ADAMTSL4: variants seen among roughly 807,000 people sequenced by gnomAD.
ADAMTSL4 encodes the protein ADAMTS like 4, also known as ADAMTS-like protein 4.
Under a neutral mutation model 122.8 loss-of-function variants are expected in ADAMTSL4, and 97 were observed. That is an observed-to-expected ratio of 0.79 (90% CI 0.67 to 0.93). The LOEUF (loss-of-function observed/expected upper bound fraction) is 0.93, where lower values mean the gene tolerates loss of function less well. Among genes scored for constraint, ADAMTSL4 ranks in the 40% least tolerant of loss-of-function variants. The pLI, the probability that ADAMTSL4 is intolerant of heterozygous loss-of-function variation, is 0.00. For synonymous variants in ADAMTSL4, 592 were observed against 568.0 expected, an observed-to-expected ratio of 1.04 and a Z score of -0.60; for missense variants, 1,408 against 1,453.5, an observed-to-expected ratio of 0.97 and a Z score of 0.51.
rs1414893271 is a variant in ADAMTSL4, at chr1:150,556,333, A to C, written c.1543A>C (p.Ile515Leu). The change falls in exon 9 of 19, where the codon ATT becomes CTT. Residue 515 changes from isoleucine (I) to leucine (L), a missense_variant. By Grantham distance (5) the Ile-to-Leu change is conservative (BLOSUM62 2). Coordinates refer to ENST00000271643, the MANE Select transcript of ADAMTSL4 (RefSeq NM_019032.6). The surrounding 1 kb of genome is among the most constrained non-coding windows in gnomAD (Gnocchi z 4.1). Reference protein sequence around the residue: ...WIPAGALRLQIAQLRPSSNYL... With the variant: ...WIPAGALRLQLAQLRPSSNYL... ...TCCAGCGGGAGCCTTGCGGCTCCAG[A>C]TTGCCCAGCTCCGGCCTAGCTCCAA... 6.2e-7 allele frequency: 1 copy of C among 1,613,944 alleles called. No individual in the cohort carries two copies. The highest frequency in any genetic ancestry group is 8.5e-7 in the Non-Finnish European group (1 of 1,179,990).
Position 150,553,745 on chromosome 1 carries a change from C to A in ADAMTSL4, c.754C>A (p.His252Asn), listed in dbSNP as rs142905991. ...PRTRPAPLRH[H>N]PRAQASGTEP... ...AACCAGGCCTGCCCCCCTACGGCAT[C>A]ACCCCAGAGCCCAGGCCTCTGGCAC... The change falls in exon 6 of 19, where the codon CAC becomes AAC. Residue 252 changes from histidine (H) to asparagine (N), a missense_variant. Transcript: ENST00000271643. The A allele has an allele frequency of 1.3e-4, 214 of 1,613,444 alleles. No individual in the cohort carries two copies. In the East Asian group the frequency reaches 1.3e-3, roughly 10 times the overall value.
chr1:150,554,448 G>C lies in ADAMTSL4; in HGVS notation c.1215G>C (p.Gln405His). ...AGGAATTCATGGGCCAGCTGTATCA[G>C]TGGGAGCCCTTCACTGAAGGTGAGG... The part of the protein sequence containing the change: ...NSQEFMGQLY[Q>H]WEPFTEVQGS... The change falls in exon 7 of 19, where the codon CAG (glutamine) becomes CAC (histidine). Residue 405 changes from glutamine (Q) to histidine (H), a missense_variant. Transcript: ENST00000271643. This position sits in a 1 kb window ranked among gnomAD's most constrained non-coding sequence, Gnocchi z 4.0. The C allele has an allele frequency of 6.2e-7, 1 of 1,614,208 alleles. No homozygotes were observed.
Position 150,560,108 on chromosome 1 carries a change from C to G in ADAMTSL4, c.3137C>G (p.Ala1046Gly). ...CCACATTGCCCCCTGGTGGTACAGG[C>G]CCGGCTCTGCGTCTACCCCTACTAC... Reference protein sequence around the residue: ...SSPHCPLVVQARLCVYPYYTA... With the variant: ...SSPHCPLVVQGRLCVYPYYTA... Residue 1046 changes from alanine (A) to glycine (G), a missense_variant, in exon 19 of 19, where the codon GCC (alanine) becomes GGC (glycine). Ala to Gly is a moderately conservative substitution (Grantham distance 60). Transcript: ENST00000271643. 1 of 1,614,122 alleles carries G rather than the reference C, an allele frequency of 6.2e-7. No individual in the cohort carries two copies. Among genetic ancestry groups the G allele is most frequent in the South Asian group, 1.1e-5 (1 of 91,090 alleles).
chr1:150,555,721 A>G lies in ADAMTSL4; in HGVS notation c.1371+156A>G, dbSNP rs9730075. 0.055 allele frequency among the ~76,000 whole-genome samples: 8,038 copies of G among 145,818 alleles called. 714 individuals carry two copies. Among genetic ancestry groups the G allele is most frequent in the African/African-American group, 0.21 (7,529 of 36,206 alleles). The stretch of plus-strand genomic sequence containing the variant: ...TGCGCACAGACACATGCACACACGC[A>G]CACACACACACGCACACACACGCAT... On this transcript the variant is annotated intron_variant, in intron 8 of 18. Coordinates refer to ENST00000271643, the MANE Select transcript of ADAMTSL4 (RefSeq NM_019032.6).
Position 150,556,350 on chromosome 1 carries a change from T to C in ADAMTSL4, c.1560T>C (p.Pro520=). The change falls in exon 9 of 19, where the codon CCT becomes CCC. Residue 520 remains proline (P), a synonymous_variant. Transcript: ENST00000271643. The surrounding 1 kb of genome is among the most constrained non-coding windows in gnomAD (Gnocchi z 4.1). ...ALRLQIAQLR[P]SSNYLALRGP... is the part of the protein sequence containing the mutation. ...GGCTCCAGATTGCCCAGCTCCGGCC[T>C]AGCTCCAACTACCTGGGTGAGCACC... 1 of 1,614,004 alleles carries C rather than the reference T, an allele frequency of 6.2e-7. No homozygotes were observed. The highest frequency in any genetic ancestry group is 8.5e-7 in the Non-Finnish European group (1 of 1,179,996).
At chr1:150,555,096 TCTC>T (rs1303522949) in intron 7 of ADAMTSL4, among the ~76,000 whole-genome samples, 2 of 151,396 alleles carry the variant, frequency 1.3e-5, no homozygotes, top group African/African-American at 2.4e-5. Context: ...TTCAAGCAAT[TCTC>T]CTGCCTCAGC....
In ADAMTSL4 at chr1:150,554,573, G is replaced by T. The variant is rs587640119; in HGVS notation, c.1234+106G>T. 1.3e-6 allele frequency: 2 copies of T among 1,558,280 alleles called. No homozygotes were observed. Among genetic ancestry groups the T allele is most frequent in the African/African-American group, 2.7e-5 (2 of 73,306 alleles). On this transcript the variant is annotated intron_variant, in intron 7 of 18. Coordinates refer to ENST00000271643, the MANE Select transcript of ADAMTSL4 (RefSeq NM_019032.6). This position sits in a 1 kb window ranked among gnomAD's most constrained non-coding sequence, Gnocchi z 4.0. ...GCCCTGAATGACTTCCAGCCCCTCT[G>T]CTTCCCCTGCGCCATGCCTTCTTTC...
At chr1:150,555,642 T>TACTC in intron 8 of ADAMTSL4, 77 bp downstream of exon 8, 1 of 1,574,840 alleles carries the variant, frequency 6.3e-7, no homozygotes, top group Non-Finnish European at 8.7e-7. Context: ...CATACACATG[T>TACTC]ACACACATAT....
chr1:150,557,857 C>T, intron 13 of ADAMTSL4, 88 bp from the exon 14 acceptor site: 3 of 1,502,674 alleles, frequency 2.0e-6, no homozygotes, highest in Non-Finnish European at 2.7e-6. Context: ...GCCCCCACGT[C>T]CAGTGTGTCT....
In ADAMTSL4 at chr1:150,557,167, C is replaced by T; in HGVS notation, c.1879C>T (p.Pro627Ser). 2 of 1,611,718 alleles carry T rather than the reference C, an allele frequency of 1.2e-6. No individual in the cohort carries two copies. The highest frequency in any genetic ancestry group is 1.7e-6 in the Non-Finnish European group (2 of 1,179,780). ...QLQPEILRVE[P>S]PLAPAPRPAR... ...CTGCACAGAGATTCTGAGGGTGGAG[C>T]CCCCACTTGCTCCGGCACCCCGCCC... Residue 627 changes from proline to serine, a missense_variant, in exon 12 of 19, where the codon CCC (proline) becomes TCC (serine). Physicochemically the swap from Pro to Ser is moderately conservative, Grantham distance 74 (BLOSUM62 -1). Coordinates refer to ENST00000271643, the MANE Select transcript of ADAMTSL4 (RefSeq NM_019032.6).
rs748487774 is a variant in ADAMTSL4, at chr1:150,556,710, C to T, written c.1666C>T (p.Arg556Ter). The change falls in exon 10 of 19, where the codon CGA (arginine) becomes TGA (stop). Residue 556 changes from arginine (R) to a stop codon, truncating the protein, a stop_gained. Coordinates refer to ENST00000271643, the MANE Select transcript of ADAMTSL4 (RefSeq NM_019032.6). LOFTEE classifies it high-confidence loss of function. This position sits in a 1 kb window ranked among gnomAD's most constrained non-coding sequence, Gnocchi z 4.1. ...CTACAGGGCCGGCGGGACCGTCTTT[C>T]GATATAACCGTCCTCCCAGGGAGGA... is the stretch of plus-strand genomic sequence containing the variant. ...GSYRAGGTVF[R>*]YNRPPREEGK... The T allele has an allele frequency of 1.5e-5, 24 of 1,613,854 alleles. No individual in the cohort carries two copies. The highest frequency in any genetic ancestry group is 2.2e-5 in the South Asian group (2 of 91,074).
Position 150,558,884 on chromosome 1 carries a change from G to A in ADAMTSL4, c.2560-78G>A, listed in dbSNP as rs12097596. ...CACCCAGGATTCGGACCCAGGATGC[G>A]TCCCTCCCTGCCCCCCTACTGTCCC... On this transcript the variant is annotated intron_variant, in intron 15 of 18. Coordinates refer to ENST00000271643, the MANE Select transcript of ADAMTSL4 (RefSeq NM_019032.6). The A allele has an allele frequency of 0.035, 53,758 of 1,541,394 alleles. 4,870 individuals carry two copies. Among genetic ancestry groups the A allele is most frequent in the African/African-American group, 0.31 (22,516 of 73,262 alleles).
intron 15 of ADAMTSL4, 35 bp downstream of exon 15, chr1:150,558,684 T>C (rs587671281): frequency 6.2e-7 from 1 of 1,613,842 alleles, no homozygotes; most frequent in Non-Finnish European, 8.5e-7. Context: ...TCCTGCATCC[T>C]GGGTAACCAC....
In ADAMTSL4 at chr1:150,558,568, C is replaced by G; in HGVS notation, c.2478C>G (p.Gly826=). 1.9e-6 allele frequency: 3 copies of G among 1,610,600 alleles called. No homozygotes were observed. Among genetic ancestry groups the G allele is most frequent in the Non-Finnish European group, 2.5e-6 (3 of 1,177,136 alleles). Residue 826 remains glycine, a synonymous_variant, in exon 15 of 19, where the codon GGC becomes GGG. Transcript: ENST00000271643. ...DEVSEQECAS[G]PPQPPSREAC... is the part of the protein sequence containing the mutation. ...TGAGCGAGCAGGAGTGTGCGTCAGGCCCCCCGCAGCCCCCCAGCAGAGAGG... is the reference window on the plus strand; with the variant it reads ...TGAGCGAGCAGGAGTGTGCGTCAGGGCCCCCGCAGCCCCCCAGCAGAGAGG...
intron 8 of ADAMTSL4, chr1:150,555,850 G>T (rs901988536): frequency 5.0e-6 from 3 of 605,700 alleles, no homozygotes; most frequent in Non-Finnish European, 8.9e-6. Context: ...CACACATGTA[G>T]ACACACATGC....
chr1:150,551,089 G>A (rs1265033009), intron 2 of ADAMTSL4: 1 of 434,668 alleles, frequency 2.3e-6, no homozygotes, highest in East Asian at 7.1e-5. Flanking sequence ...AGTCAGGCTT[G>A]GTGGCTGGGG....
rs1672581373 is a variant in ADAMTSL4 at position 150,559,660 on chromosome 1, G to C, written c.2944-101G>C. ...TTTGGGATTTCACAATGTCCTAGGA[G>C]GGTCCCCACCACCACCTTTTGGGGA... On this transcript the variant is annotated intron_variant, in intron 17 of 18. Transcript: ENST00000271643. The surrounding 1 kb of genome is among the most constrained non-coding windows in gnomAD (Gnocchi z 4.1). The C allele has an allele frequency of 6.3e-7, 1 of 1,597,684 alleles. No individual in the cohort carries two copies. The highest frequency in any genetic ancestry group is 1.7e-5 in the Admixed American group (1 of 59,710).
intron 15 of ADAMTSL4, 111 bp downstream of exon 15, chr1:150,558,760 T>C: frequency 6.3e-7 from 1 of 1,581,886 alleles, no homozygotes; most frequent in Non-Finnish European, 8.6e-7. Flanking sequence ...GCCTGCTATA[T>C]GCCTGACCCT....
Position 150,556,603 on chromosome 1 carries a change from C to T in ADAMTSL4, c.1577-18C>T. The stretch of plus-strand genomic sequence containing the variant: ...TTATCACCCTGGAATTTCCCGATCT[C>T]TCACCTCTGACCCGCAGCACTTCGT... On this transcript the variant is annotated intron_variant, in intron 9 of 18. Transcript: ENST00000271643. The surrounding 1 kb of genome is among the most constrained non-coding windows in gnomAD (Gnocchi z 4.1). 6.2e-7 allele frequency: 1 copy of T among 1,613,984 alleles called. No homozygotes were observed. Among genetic ancestry groups the T allele is most frequent in the Non-Finnish European group, 8.5e-7 (1 of 1,180,002 alleles).
Sources: gnomAD v4.1 joint callset for allele counts (sites outside exome capture counted in the v4.1 genomes callset) on GRCh38, gnomAD v4.1.1 for gene constraint, Gnocchi (gnomAD v3.1) non-coding constraint, MANE v1.5 for transcripts, NCBI Gene and HGNC (gene_info 2026-07-23, HGNC 2026-07-21) for gene names.